MYH10: variants seen among roughly 807,000 people sequenced by gnomAD.
MYH10 encodes the protein myosin-10.
A neutral mutation model predicts 257.8 loss-of-function variants in MYH10; 55 were observed. The ratio of observed to expected loss-of-function variants is 0.21; its 90% CI spans 0.17 to 0.27. The LOEUF (loss-of-function observed/expected upper bound fraction) is 0.27, where lower values mean the gene tolerates loss of function less well. Among genes scored for constraint, MYH10 ranks in the 10% least tolerant of loss-of-function variants. The probability of loss-of-function intolerance (pLI) is 1.00; values close to 1 mark genes in which losing one functional copy is unlikely to be tolerated. For synonymous variants in MYH10, 854 were observed against 921.7 expected (o/e 0.93, Z 1.33); for missense variants, 1,631 against 2,500.6 (o/e 0.65, Z 7.42).
intron 31 of MYH10, among the ~76,000 whole-genome samples, chr17:8,494,226 C>G (rs1455108232): frequency 6.6e-6 from 1 of 152,198 alleles, no homozygotes; most frequent in African/African-American, 2.4e-5. Flanking sequence ...CTCTCCACCC[C>G]CTGCCCCGTC....
intron 1 of MYH10, among the ~76,000 whole-genome samples, 183 bp downstream of exon 1, chr17:8,630,471 G>A (rs908644610): frequency 6.6e-6 from 1 of 151,802 alleles, no homozygotes; most frequent in Non-Finnish European, 1.5e-5. Context: ...CTAACCTAAG[G>A]TCCCCGCAGC....
chr17:8,514,597 C>G (rs2053293037), intron 21 of MYH10, among the ~76,000 whole-genome samples: 1 of 152,120 alleles, frequency 6.6e-6, no homozygotes, highest in Non-Finnish European at 1.5e-5. Flanking sequence ...CAATTTCTCA[C>G]TCTCCTTCAG....
chr17:8,546,770 A>T, intron 11 of MYH10, 108 bp from the exon 12 acceptor site: 1 of 740,642 alleles, frequency 1.4e-6, no homozygotes, highest in South Asian at 2.4e-5. Context: ...TTGTATTAAG[A>T]AATAAATAAA....
intron 17 of MYH10, 104 bp downstream of exon 17, chr17:8,530,517 AGT>A: frequency 1.9e-5 from 1 of 53,234 alleles, no homozygotes; most frequent in Non-Finnish European, 3.8e-5. Context: ...CCCAGCCCCC[AGT>A]CTACCCCCGC....
intron 6 of MYH10, among the ~76,000 whole-genome samples, chr17:8,570,807 T>C (rs2083306970): frequency 1.3e-5 from 2 of 152,094 alleles, no homozygotes; most frequent in South Asian, 4.2e-4. Flanking sequence ...CACCATCAAA[T>C]TCAAAAAAAA....
intron 4 of MYH10, among the ~76,000 whole-genome samples, chr17:8,579,838 C>G (rs904557070): frequency 6.6e-6 from 1 of 152,146 alleles, no homozygotes; most frequent in Admixed American, 6.5e-5. Context: ...CTTTTTACAG[C>G]TGAATCTTCA....
chr17:8,557,400 T>C (rs2082841078), intron 7 of MYH10, among the ~76,000 whole-genome samples: 1 of 152,168 alleles, frequency 6.6e-6, no homozygotes, highest in East Asian at 1.9e-4. Flanking sequence ...GACTTCCTGC[T>C]TGAGGAGGAA....
chr17:8,515,824 G>A (rs961575173), intron 21 of MYH10, among the ~76,000 whole-genome samples: 1 of 152,136 alleles, frequency 6.6e-6, no homozygotes, highest in African/African-American at 2.4e-5. Context: ...AATTACAGGT[G>A]TGAGCCACCG....
chr17:8,592,914 G>T, intron 3 of MYH10, among the ~76,000 whole-genome samples: 1 of 68,958 alleles, frequency 1.5e-5, no homozygotes, highest in African/African-American at 4.6e-5. Flanking sequence ...TTAACAAAAT[G>T]TTGGTAAATC....
Position 8,548,773 on chromosome 17 carries a change from C to T in MYH10, c.934G>A (p.Glu312Lys), listed in dbSNP as rs563876302. 1 of 1,611,128 alleles carries T rather than the reference C, an allele frequency of 6.2e-7. No individual in the cohort carries two copies. The highest frequency in any genetic ancestry group is 1.1e-5 in the South Asian group (1 of 90,892). The change falls in exon 10 of 43, where the codon GAA becomes AAA. Residue 312 changes from glutamate to lysine, a missense_variant. Glu to Lys is a moderately conservative substitution (Grantham distance 56). Coordinates refer to ENST00000360416, the MANE Select transcript of MYH10 (RefSeq NM_001256012.3). The part of the protein sequence containing the change: ...GEHLKSDLLL[E>K]GFNNYRFLSN... ...AGAAACCTGTAGTTATTAAATCCTT[C>T]AAGAAGCAAATCAGCTAAAAGGAAA...
chr17:8,607,124 C>T (rs951937362), intron 2 of MYH10, among the ~76,000 whole-genome samples: 5 of 152,160 alleles, frequency 3.3e-5, no homozygotes, highest in South Asian at 2.1e-4. Flanking sequence ...GTTAACAAAT[C>T]GCAACCATAC....
intron 23 of MYH10, among the ~76,000 whole-genome samples, chr17:8,513,255 A>G (rs943275184): frequency 2.0e-5 from 3 of 152,240 alleles, no homozygotes; most frequent in African/African-American, 7.2e-5. Context: ...ACCTCATCGA[A>G]AACAGGTGTT....
intron 11 of MYH10, among the ~76,000 whole-genome samples, chr17:8,547,794 A>G (rs2082493156): frequency 6.8e-6 from 1 of 146,656 alleles, no homozygotes; most frequent in Non-Finnish European, 1.5e-5. Flanking sequence ...TTATATTTAT[A>G]TATTTATATT....
chr17:8,484,216 T>C lies in MYH10; in HGVS notation c.5097A>G (p.Arg1699=), dbSNP rs1301450891. 1.9e-6 allele frequency: 3 copies of C among 1,613,136 alleles called. No individual in the cohort carries two copies. The highest frequency in any genetic ancestry group is 2.5e-6 in the Non-Finnish European group (3 of 1,179,576). The change falls in exon 37 of 43, where the codon AGA becomes AGG. Residue 1699 remains arginine, a synonymous_variant. Coordinates refer to ENST00000360416, the MANE Select transcript of MYH10 (RefSeq NM_001256012.3). ...QRELEEARAS[R]DEIFAQSKES... is the part of the protein sequence containing the mutation. ...CTTTGGATTGAGCAAAAATCTCATCTCTGGATGCACGAGCTTCTTCTAATT... is the reference window on the plus strand; with the variant it reads ...CTTTGGATTGAGCAAAAATCTCATCCCTGGATGCACGAGCTTCTTCTAATT...
chr17:8,516,469 C>A (rs753559815), intron 21 of MYH10, among the ~76,000 whole-genome samples: 1 of 152,210 alleles, frequency 6.6e-6, no homozygotes, highest in African/African-American at 2.4e-5. Flanking sequence ...GGGGCAGGGG[C>A]TGCAAAGGCA....
chr17:8,536,789 A>G (rs1017206166), intron 14 of MYH10, among the ~76,000 whole-genome samples: 4 of 129,464 alleles, frequency 3.1e-5, no homozygotes, highest in African/African-American at 1.3e-4. Context: ...ACAGAGCAAG[A>G]CTCTGTCTCA....
chr17:8,627,176 T>C (rs1297293564), intron 1 of MYH10, among the ~76,000 whole-genome samples: 1 of 152,184 alleles, frequency 6.6e-6, no homozygotes, highest in Non-Finnish European at 1.5e-5. Flanking sequence ...ATTGGGTCTT[T>C]ACTGGGTAGT....
rs993457333 is a variant in MYH10 at position 8,506,961 on chromosome 17, G to C, written c.3215-472C>G. ...GAGGAGACAGAAGAGTGGGCAGAGAGGGCCAGGCCTTTTCTCCACCCTCCC... is the reference window on the plus strand; with the variant it reads ...GAGGAGACAGAAGAGTGGGCAGAGACGGCCAGGCCTTTTCTCCACCCTCCC... On this transcript the variant is annotated intron_variant, in intron 26 of 42. Coordinates refer to ENST00000360416, the MANE Select transcript of MYH10 (RefSeq NM_001256012.3). The surrounding 1 kb of genome is among the most constrained non-coding windows in gnomAD (Gnocchi z 5.0). Among the ~76,000 whole-genome samples, 2 of 152,196 alleles carry C rather than the reference G, an allele frequency of 1.3e-5. No homozygotes were observed. Among genetic ancestry groups the C allele is most frequent in the Non-Finnish European group, 2.9e-5 (2 of 68,038 alleles).
intron 42 of MYH10, 59 bp downstream of exon 42, chr17:8,476,817 G>T (rs772204379): frequency 1.5e-5 from 24 of 1,555,030 alleles, no homozygotes; most frequent in Non-Finnish European, 1.9e-5. Context: ...GCTGCACCCC[G>T]AGCCTAAGCT....
Sources: gnomAD v4.1 joint callset for allele counts (sites outside exome capture counted in the v4.1 genomes callset) on GRCh38, gnomAD v4.1.1 for gene constraint, Gnocchi (gnomAD v3.1) non-coding constraint, MANE v1.5 for transcripts, NCBI Gene and HGNC (gene_info 2026-07-23, HGNC 2026-07-21) for gene names.